TBXAS1: variants seen among roughly 807,000 people sequenced by gnomAD.
The protein encoded by TBXAS1 is thromboxane A synthase 1, also known as thromboxane-A synthase.
A neutral mutation model predicts 60.7 loss-of-function variants in TBXAS1; 48 were observed. The observed-to-expected ratio is 0.79, with a 90% CI of 0.63 to 1.01. The LOEUF is 1.01. Among genes scored for constraint, TBXAS1 ranks in the 50% least tolerant of loss-of-function variants. The probability of loss-of-function intolerance (pLI) is 0.00; values close to 1 mark genes in which losing one functional copy is unlikely to be tolerated. For synonymous variants in TBXAS1, 287 were observed against 269.7 expected (o/e 1.06, Z -0.63); for missense variants, 685 against 686.3 (o/e 1.00, Z 0.02).
At position 139,955,542 on chromosome 7, in the gene TBXAS1, C is replaced by T. The variant is rs137946697; in HGVS notation, c.623C>T (p.Pro208Leu). The change falls in exon 7 of 13, where the codon CCC (proline) becomes CTC (leucine). Residue 208 changes from proline to leucine, a missense_variant. Pro to Leu is a moderately conservative substitution (Grantham distance 98). Transcript: ENST00000448866. ...GACTCCTGGCAGGCCCCTGAGGATC[C>T]CTTTGTGAAACACTGCAAGCGTTTC... is the stretch of plus-strand genomic sequence containing the variant. ...PVDSWQAPED[P>L]FVKHCKRFFE... is the part of the protein sequence containing the mutation. The T allele has an allele frequency of 1.2e-6, 2 of 1,614,088 alleles. No homozygotes were observed. Among genetic ancestry groups the T allele is most frequent in the African/African-American group, 1.3e-5 (1 of 74,928 alleles).
chr7:139,955,370 G>A, intron 6 of TBXAS1, 89 bp from the exon 7 acceptor site: 1 of 1,558,496 alleles, frequency 6.4e-7, no homozygotes, highest in Non-Finnish European at 8.8e-7. Context: ...GCCAGTGTAA[G>A]CAATTCAGGC....
chr7:139,994,075 CTT>C (rs1237198078), intron 9 of TBXAS1, among the ~76,000 whole-genome samples: 3 of 151,530 alleles, frequency 2.0e-5, no homozygotes, highest in Non-Finnish European at 2.9e-5. Context: ...AAGTTTTGCT[CTT>C]GTTGCCCAGG....
At chr7:139,814,307 TAGCTGG>T (rs1349335701) in intron 4 of TBXAS1, among the ~76,000 whole-genome samples, 1 of 152,126 alleles carries the variant, frequency 6.6e-6, no homozygotes, top group Non-Finnish European at 1.5e-5. Context: ...CTGGGAAAAT[TAGCTGG>T]CATGATACAT....
intron 10 of TBXAS1, 58 bp from the exon 11 acceptor site, chr7:140,015,665 C>T (rs1395082029): frequency 8.7e-6 from 14 of 1,602,788 alleles, no homozygotes; most frequent in Admixed American, 1.7e-5. Context: ...CCAGCACGCC[C>T]CAAGCTCTGC....
chr7:139,905,163 G>C (rs939633819), intron 3 of TBXAS1, among the ~76,000 whole-genome samples: 3 of 151,594 alleles, frequency 2.0e-5, no homozygotes, highest in African/African-American at 7.3e-5. Context: ...TTGAAGAGGA[G>C]TGGTGGGAGT....
intron 3 of TBXAS1, among the ~76,000 whole-genome samples, chr7:139,901,226 G>A (rs1207938910): frequency 6.6e-6 from 1 of 151,716 alleles, no homozygotes; most frequent in Non-Finnish European, 1.5e-5. Flanking sequence ...CAATTTACAT[G>A]TAAAATGGGA....
rs1460089873 is a variant in TBXAS1, at chr7:139,939,715, G to A, written c.450+3408G>A. Among the ~76,000 whole-genome samples, 3 of 152,018 alleles carry A rather than the reference G, an allele frequency of 2.0e-5. No individual in the cohort carries two copies. In the East Asian group the frequency reaches 5.8e-4, roughly 30 times the overall value. On this transcript the variant is annotated intron_variant, in intron 5 of 12. Transcript: ENST00000448866. ...AAACACAGAGACGTGTAGCATATGT[G>A]TTAGATATGGTTCTGGGGAGAACCA...
intron 3 of TBXAS1, among the ~76,000 whole-genome samples, chr7:139,885,339 T>A (rs1243742068): frequency 1.3e-5 from 2 of 152,230 alleles, no homozygotes; most frequent in African/African-American, 2.4e-5. Flanking sequence ...GCTAATATCT[T>A]CAAATAATAA....
At chr7:139,982,121 CAG>C in intron 9 of TBXAS1, among the ~76,000 whole-genome samples, 1 of 152,260 alleles carries the variant, frequency 6.6e-6, no homozygotes, top group South Asian at 2.1e-4. Context: ...ATTTGAATCT[CAG>C]ATAAACTGTA....
chr7:140,014,635 T>A (rs1425544332), intron 10 of TBXAS1, among the ~76,000 whole-genome samples: 1 of 151,926 alleles, frequency 6.6e-6, no homozygotes, highest in East Asian at 1.9e-4. Flanking sequence ...ACAGGCCAGG[T>A]GCAGTGGCTC....
chr7:139,833,125 C>T (rs1798818977), intron 1 of TBXAS1, among the ~76,000 whole-genome samples: 1 of 152,108 alleles, frequency 6.6e-6, no homozygotes, highest in Non-Finnish European at 1.5e-5. Flanking sequence ...CCAATGAATG[C>T]AATGGTACCT....
intron 4 of TBXAS1, among the ~76,000 whole-genome samples, chr7:139,818,257 G>T (rs1481301981): frequency 6.6e-6 from 1 of 152,178 alleles, no homozygotes; most frequent in Non-Finnish European, 1.5e-5. Context: ...TGTTAGGAGA[G>T]GGTGAAGGTA....
At chr7:139,955,278 C>G (rs930223938) in intron 6 of TBXAS1, among the ~76,000 whole-genome samples, 181 bp from the exon 7 acceptor site, 1 of 152,126 alleles carries the variant, frequency 6.6e-6, no homozygotes, top group South Asian at 2.1e-4. Flanking sequence ...CTCAGAGTGC[C>G]CCATCCAGGA....
intron 4 of TBXAS1, among the ~76,000 whole-genome samples, chr7:139,789,951 G>A (rs539417896): frequency 6.6e-6 from 1 of 152,262 alleles, no homozygotes; most frequent in East Asian, 1.9e-4. Context: ...TTCTTCTAGA[G>A]TGTTTTTAGG....
chr7:139,881,409 A>G (rs1802681627), intron 3 of TBXAS1, among the ~76,000 whole-genome samples: 1 of 152,138 alleles, frequency 6.6e-6, no homozygotes, highest in Non-Finnish European at 1.5e-5. Context: ...AATGTTTGAT[A>G]TATCAGGAAT....
intron 5 of TBXAS1, among the ~76,000 whole-genome samples, chr7:139,947,634 G>A (rs1181917309): frequency 6.6e-6 from 1 of 152,148 alleles, no homozygotes; most frequent in Non-Finnish European, 1.5e-5. Flanking sequence ...TCCTTCCTTG[G>A]GGAATTTGCT....
rs1808824187 is a variant in TBXAS1, at chr7:139,947,505, A to G, written c.451-5863A>G. ...GGTGCGGCAAACCACCATGGCATATATTTACCTATGTAACAAACCTGCATG... is the reference window on the plus strand; with the variant it reads ...GGTGCGGCAAACCACCATGGCATATGTTTACCTATGTAACAAACCTGCATG... On this transcript the variant is annotated intron_variant, in intron 5 of 12. Coordinates refer to ENST00000448866, the MANE Select transcript of TBXAS1 (RefSeq NM_001061.7). 2.0e-5 allele frequency among the ~76,000 whole-genome samples: 3 copies of G among 152,204 alleles called. 1 individual carries two copies. In the South Asian group the frequency reaches 6.2e-4, roughly 32 times the overall value.
chr7:139,945,103 G>A (rs915114874), intron 5 of TBXAS1, among the ~76,000 whole-genome samples: 3 of 152,220 alleles, frequency 2.0e-5, no homozygotes, highest in African/African-American at 7.2e-5. Context: ...GTATTCTGAA[G>A]TTGATGTGTC....
At chr7:139,955,962 A>G (rs1809838208) in intron 7 of TBXAS1, among the ~76,000 whole-genome samples, 1 of 152,176 alleles carries the variant, frequency 6.6e-6, no homozygotes, top group South Asian at 2.1e-4. Flanking sequence ...AAACAGGCCT[A>G]GAAAGGCCGA....
Sources: allele counts gnomAD v4.1 joint callset (sites outside exome capture counted in the v4.1 genomes callset), GRCh38; gene constraint gnomAD v4.1.1; transcripts MANE v1.5; gene names NCBI Gene and HGNC (gene_info 2026-07-23, HGNC 2026-07-21).